The following THSD7B variants were observed in gnomAD, a reference collection of about 807,000 sequenced individuals.
THSD7B encodes the protein thrombospondin type 1 domain containing 7B.
THSD7B carries 138 observed loss-of-function variants against 213.6 expected under a neutral mutation model. That is an observed-to-expected ratio of 0.65 (90% confidence interval 0.56 to 0.74). THSD7B has a LOEUF of 0.74. Among genes scored for constraint, THSD7B ranks in the 30% least tolerant of loss-of-function variants. The pLI, the probability that THSD7B is intolerant of heterozygous loss-of-function variation, is 0.00. For missense variants in THSD7B, 1,931 were observed against 1,991.5 expected, an observed-to-expected ratio of 0.97 and a Z score of 0.58; for synonymous variants, 742 against 687.0, an observed-to-expected ratio of 1.08 and a Z score of -1.25.
At chr2:137,407,446 A>G (rs891855849) in intron 13 of THSD7B, among the ~76,000 whole-genome samples, 10 of 152,158 alleles carry the variant, frequency 6.6e-5, no homozygotes, top group African/African-American at 2.4e-4. Context: ...TTTTTAAAAA[A>G]AATAAAACAG....
At chr2:137,391,938 T>C (rs1686037720) in intron 12 of THSD7B, among the ~76,000 whole-genome samples, 1 of 152,186 alleles carries the variant, frequency 6.6e-6, no homozygotes, top group East Asian at 1.9e-4. Flanking sequence ...TTTGGTATGT[T>C]GTGCTTCCAT....
intron 15 of THSD7B, among the ~76,000 whole-genome samples, chr2:137,556,647 T>C (rs1573706016): frequency 6.6e-6 from 1 of 152,062 alleles, no homozygotes; most frequent in Non-Finnish European, 1.5e-5. Flanking sequence ...ATGAGCAAAA[T>C]AACCAGCTAA....
intron 2 of THSD7B, among the ~76,000 whole-genome samples, chr2:136,914,894 A>G (rs528804009): frequency 1.4e-4 from 21 of 152,354 alleles, no homozygotes; most frequent in African/African-American, 4.6e-4. Flanking sequence ...GATAGGCATC[A>G]TATAACTGTA....
chr2:137,675,695 T>TATA (rs1421763862), intron 27 of THSD7B, among the ~76,000 whole-genome samples: 2 of 152,054 alleles, frequency 1.3e-5, no homozygotes, highest in Non-Finnish European at 2.9e-5. Context: ...TAGATGCTAA[T>TATA]ATAATATAAA....
At chr2:136,787,392 G>A (rs1681881382) in intron 1 of THSD7B, among the ~76,000 whole-genome samples, 1 of 151,638 alleles carries the variant, frequency 6.6e-6, no homozygotes, top group African/African-American at 2.4e-5. Context: ...TTTTCTGTTT[G>A]CCAAGAGAAA....
intron 1 of THSD7B, among the ~76,000 whole-genome samples, chr2:136,876,346 G>A (rs1298467698): frequency 6.6e-6 from 1 of 152,126 alleles, no homozygotes; most frequent in Non-Finnish European, 1.5e-5. Context: ...ATTGTTTTAT[G>A]AGGGCAATAT....
intron 2 of THSD7B, among the ~76,000 whole-genome samples, chr2:136,947,443 A>T (rs904447861): frequency 7.2e-5 from 11 of 152,214 alleles, no homozygotes; most frequent in Non-Finnish European, 1.3e-4. Context: ...ATAACATAAA[A>T]ATCTGTCAAA....
At chr2:137,579,934 C>T (rs1330661676) in intron 17 of THSD7B, among the ~76,000 whole-genome samples, 1 of 151,844 alleles carries the variant, frequency 6.6e-6, no homozygotes, top group Non-Finnish European at 1.5e-5. Flanking sequence ...TATACTCTTC[C>T]ATATTTAACC....
At chr2:136,963,683 A>G (rs954212064) in intron 2 of THSD7B, among the ~76,000 whole-genome samples, 1 of 152,134 alleles carries the variant, frequency 6.6e-6, no homozygotes, top group Non-Finnish European at 1.5e-5. Context: ...GCTTATGCCA[A>G]CCCTGTGTCA....
intron 21 of THSD7B, among the ~76,000 whole-genome samples, chr2:137,648,726 CCTTCT>C (rs1363500104): frequency 1.3e-5 from 2 of 151,972 alleles, no homozygotes; most frequent in Non-Finnish European, 2.9e-5. Flanking sequence ...GATCTCTTTC[CCTTCT>C]CTTGAGTATA....
intron 2 of THSD7B, among the ~76,000 whole-genome samples, chr2:136,948,724 C>A (rs1040091889): frequency 6.6e-6 from 1 of 152,138 alleles, no homozygotes; most frequent in Non-Finnish European, 1.5e-5. Context: ...CTATGTCATG[C>A]ACAGTGCTAA....
chr2:137,509,379 CTTTA>C (rs949844514), intron 15 of THSD7B, among the ~76,000 whole-genome samples: 21 of 135,918 alleles, frequency 1.5e-4, no homozygotes, highest in African/African-American at 5.2e-4. Flanking sequence ...TCCTTTCTTC[CTTTA>C]TTTATTTTGT....
intron 5 of THSD7B, among the ~76,000 whole-genome samples, chr2:137,136,408 C>T (rs1387275793): frequency 6.6e-6 from 1 of 152,118 alleles, no homozygotes; most frequent in Non-Finnish European, 1.5e-5. Flanking sequence ...CAGAGAACAA[C>T]AGAATGGTTT....
intron 3 of THSD7B, among the ~76,000 whole-genome samples, chr2:137,078,233 G>A (rs555370382): frequency 6.6e-6 from 1 of 152,148 alleles, no homozygotes; most frequent in Non-Finnish European, 1.5e-5. Flanking sequence ...CTGTAGCCTT[G>A]TAGTGTAGTT....
At chr2:136,899,177 T>A (rs184655027) in intron 2 of THSD7B, among the ~76,000 whole-genome samples, 339 of 152,294 alleles carry the variant, frequency 2.2e-3, no homozygotes, top group Non-Finnish European at 4.1e-3. Flanking sequence ...GTTCAAATAG[T>A]AAAGAGATAC....
chr2:137,191,033 G>A (rs1162563543), intron 7 of THSD7B, among the ~76,000 whole-genome samples: 1 of 152,236 alleles, frequency 6.6e-6, no homozygotes, highest in African/African-American at 2.4e-5. Context: ...GCCTACTGCA[G>A]TGTGCCTTTG....
Position 136,849,817 on chromosome 2 carries a change from G to T in THSD7B, c.-35-32327G>T, listed in dbSNP as rs776727894. Among the ~76,000 whole-genome samples the T allele has an allele frequency of 7.2e-5, 11 of 151,938 alleles. 1 individual carries two copies. The highest frequency in any genetic ancestry group is 1.5e-5 in the Non-Finnish European group (1 of 67,948). On this transcript the variant is annotated intron_variant, in intron 1 of 27. Coordinates refer to ENST00000409968, the MANE Select transcript of THSD7B (RefSeq NM_001316349.2). ...ACAGAATATTAGAGACATACAGAAA[G>T]GTAAAACAAACAATATAACACCTAG...
chr2:137,429,558 C>T (rs918694420), intron 14 of THSD7B, among the ~76,000 whole-genome samples: 18 of 151,954 alleles, frequency 1.2e-4, no homozygotes, highest in South Asian at 2.1e-4. Flanking sequence ...TAGGAATAGA[C>T]GTGTAAATTA....
chr2:137,242,564 G>A lies in THSD7B; in HGVS notation c.2258G>A (p.Cys753Tyr), dbSNP rs757449509. 13 of 1,612,416 alleles carry A rather than the reference G, an allele frequency of 8.1e-6. No homozygotes were observed. In the African/African-American group the frequency reaches 1.7e-4, roughly 22 times the overall value. ...FSEWTPCPRM[C>Y]QAGNATVKQS... The stretch of plus-strand genomic sequence containing the variant: ...GAGTGGACACCCTGCCCAAGGATGT[G>A]CCAAGCAGGTAGGTGGATGCTGCGT... Residue 753 changes from cysteine (C) to tyrosine (Y), a missense_variant, in exon 10 of 28, where the codon TGC becomes TAC. By Grantham distance (194) the Cys-to-Tyr change is radical. Transcript: ENST00000409968.
Sources: gnomAD v4.1 joint callset for allele counts (sites outside exome capture counted in the v4.1 genomes callset) on GRCh38, gnomAD v4.1.1 for gene constraint, MANE v1.5 for transcripts, NCBI Gene and HGNC (gene_info 2026-07-23, HGNC 2026-07-21) for gene names.